C1QTNF3: variants seen among roughly 807,000 people sequenced by gnomAD.
The protein encoded by C1QTNF3 is complement C1q tumor necrosis factor-related protein 3.
Under a neutral mutation model 32.6 loss-of-function variants are expected in C1QTNF3, and 26 were observed. That is an observed-to-expected ratio of 0.80 (90% CI 0.58 to 1.11). The LOEUF is 1.11. Ranked by LOEUF, C1QTNF3 falls within the 50% of genes least tolerant of loss-of-function variation. C1QTNF3 has a pLI of 0.00. For missense variants in C1QTNF3, 362 were observed against 398.2 expected, an observed-to-expected ratio of 0.91 and a Z score of 0.77; for synonymous variants, 155 against 146.0, an observed-to-expected ratio of 1.06 and a Z score of -0.44.
At chr5:34,135,467 T>C in the C1QTNF3 span, among the ~76,000 whole-genome samples, 2 of 152,156 alleles carry the variant, frequency 1.3e-5, no homozygotes, top group Non-Finnish European at 2.9e-5. Flanking sequence ...TCTTTTTCTA[T>C]TGATTGGAAT....
chr5:34,153,999 A>T, the C1QTNF3 span, among the ~76,000 whole-genome samples: 1 of 150,676 alleles, frequency 6.6e-6, no homozygotes, highest in Non-Finnish European at 1.5e-5. Flanking sequence ...TAATCACATA[A>T]TTTTTGAATT....
chr5:34,028,016 A>T (rs946887396), intron 4 of C1QTNF3, among the ~76,000 whole-genome samples: 1 of 151,888 alleles, frequency 6.6e-6, no homozygotes, highest in Non-Finnish European at 1.5e-5. Flanking sequence ...TCTGTCGCCC[A>T]GGCTGGAGTG....
the C1QTNF3 span, among the ~76,000 whole-genome samples, chr5:34,230,839 A>G: frequency 3.3e-5 from 5 of 152,060 alleles, no homozygotes; most frequent in Admixed American, 2.6e-4. Flanking sequence ...AACTATGTCT[A>G]TGTTCCTTTT....
chr5:34,174,104 C>T, the C1QTNF3 span, among the ~76,000 whole-genome samples: 4 of 152,302 alleles, frequency 2.6e-5, no homozygotes, highest in Non-Finnish European at 4.4e-5. Context: ...GTCACCCAGG[C>T]GGGAGTGCAG....
At chr5:34,060,138 A>T in the C1QTNF3 span, among the ~76,000 whole-genome samples, 936 of 152,366 alleles carry the variant, frequency 6.1e-3, 4 homozygotes, top group Middle Eastern at 0.017. Flanking sequence ...TTCCTAATGT[A>T]AATGACATCA....
chr5:34,033,696 A>T (rs891452184), intron 2 of C1QTNF3, among the ~76,000 whole-genome samples: 3 of 152,236 alleles, frequency 2.0e-5, no homozygotes, highest in African/African-American at 4.8e-5. Flanking sequence ...ATTGTGTACA[A>T]TTCTGATTAT....
the C1QTNF3 span, chr5:34,158,459 C>A: frequency 6.6e-6 from 1 of 152,100 alleles, no homozygotes; most frequent in African/African-American, 2.4e-5. Context: ...GATGTGATTT[C>A]TCTTATTTTT....
chr5:34,091,887 ATATT>A, the C1QTNF3 span, among the ~76,000 whole-genome samples: 2 of 151,934 alleles, frequency 1.3e-5, no homozygotes, highest in East Asian at 3.9e-4. Context: ...TCATCATTCA[ATATT>A]TAGTGACAAT....
chr5:34,171,818 T>C, the C1QTNF3 span, among the ~76,000 whole-genome samples: 2 of 152,222 alleles, frequency 1.3e-5, no homozygotes, highest in Non-Finnish European at 2.9e-5. Context: ...AGTTACATGA[T>C]TGATAACATT....
intron 1 of C1QTNF3, 91 bp downstream of exon 1, chr5:34,042,732 G>C: frequency 7.7e-7 from 1 of 1,306,012 alleles, no homozygotes; most frequent in African/African-American, 1.5e-5. Context: ...TTGATTCTAA[G>C]AATCTTAGCC....
chr5:34,229,726 A>G, the C1QTNF3 span, among the ~76,000 whole-genome samples: 1 of 152,298 alleles, frequency 6.6e-6, no homozygotes, highest in African/African-American at 2.4e-5. Context: ...TATGAACTGA[A>G]TATTTGTGTC....
the C1QTNF3 span, among the ~76,000 whole-genome samples, chr5:34,176,999 C>T: frequency 6.6e-6 from 1 of 152,104 alleles, no homozygotes. Flanking sequence ...TCAAGATCAG[C>T]CTAGGCAACA....
chr5:34,103,348 G>A, the C1QTNF3 span, among the ~76,000 whole-genome samples: 1 of 151,488 alleles, frequency 6.6e-6, no homozygotes, highest in African/African-American at 2.4e-5. Context: ...CCAGGCTGGA[G>A]CGGAGTGTAG....
chr5:34,020,915 C>T (rs1220351939), intron 5 of C1QTNF3, among the ~76,000 whole-genome samples, 173 bp from the exon 6 acceptor site: 2 of 152,180 alleles, frequency 1.3e-5, no homozygotes, highest in Non-Finnish European at 2.9e-5. Context: ...TGGCTAGTAA[C>T]ACTCTCACAA....
the C1QTNF3 span, among the ~76,000 whole-genome samples, chr5:34,073,521 GA>G: frequency 2.0e-5 from 3 of 152,260 alleles, no homozygotes; most frequent in South Asian, 6.2e-4. Flanking sequence ...GACAAAGAAA[GA>G]TTCAGTTTTA....
At chr5:34,119,225 C>G in the C1QTNF3 span, among the ~76,000 whole-genome samples, 1 of 152,168 alleles carries the variant, frequency 6.6e-6, no homozygotes, top group Non-Finnish European at 1.5e-5. Flanking sequence ...CTGAGTGTTA[C>G]TATCCTAAGG....
chr5:34,101,626 A>G, the C1QTNF3 span, among the ~76,000 whole-genome samples: 1 of 151,828 alleles, frequency 6.6e-6, no homozygotes, highest in Non-Finnish European at 1.5e-5. Flanking sequence ...ATTTCCTTCT[A>G]AACAGACCAG....
At chr5:34,201,342 A>G in the C1QTNF3 span, among the ~76,000 whole-genome samples, 17 of 152,312 alleles carry the variant, frequency 1.1e-4, no homozygotes, top group Non-Finnish European at 2.9e-5. Context: ...CAATTTACCA[A>G]GAAATAGGTT....
the C1QTNF3 span, among the ~76,000 whole-genome samples, chr5:34,161,387 T>C: frequency 6.6e-6 from 1 of 152,150 alleles, no homozygotes; most frequent in Non-Finnish European, 1.5e-5. Flanking sequence ...TATTTCAGTG[T>C]TCAAATGCAA....
Sources: gnomAD v4.1 joint callset for allele counts (sites outside exome capture counted in the v4.1 genomes callset) on GRCh38, gnomAD v4.1.1 for gene constraint, MANE v1.5 for transcripts, NCBI Gene and HGNC (gene_info 2026-07-23, HGNC 2026-07-21) for gene names.